Variants in MYO3A observed in about 807,000 individuals in gnomAD.
The protein encoded by MYO3A is myosin IIIA.
MYO3A carries 180 observed loss-of-function variants against 192.7 expected under a neutral mutation model. That is an observed-to-expected ratio of 0.93 (90% confidence interval 0.83 to 1.06). The LOEUF (loss-of-function observed/expected upper bound fraction) is 1.06. Ranked by LOEUF, MYO3A falls within the 50% of genes least tolerant of loss-of-function variation. The pLI is 0.00. For synonymous variants in MYO3A, 628 were observed against 645.3 expected, an observed-to-expected ratio of 0.97 and a Z score of 0.41; for missense variants, 1,896 against 1,905.0, an observed-to-expected ratio of 1.00 and a Z score of 0.09.
chr10:26,153,882 A>T lies in MYO3A; in HGVS notation c.2668A>T (p.Ile890Leu). The change falls in exon 24 of 35, where the codon ATA becomes TTA. Residue 890 changes from isoleucine to leucine, a missense_variant. Coordinates refer to ENST00000642920, the MANE Select transcript of MYO3A (RefSeq NM_017433.5). ...GCCACATTCTAAAACTAAAAATGTT[A>T]TAAACTATCAAATGAGGACTTCAGA... is the stretch of plus-strand genomic sequence containing the variant. Reference protein sequence around the residue: ...NLPHSKTKNVINYQMRTSEKL... With the variant: ...NLPHSKTKNVLNYQMRTSEKL... 1 of 1,594,164 alleles carries T rather than the reference A, an allele frequency of 6.3e-7. No homozygotes were observed. The highest frequency in any genetic ancestry group is 8.6e-7 in the Non-Finnish European group (1 of 1,162,132).
intron 31 of MYO3A, among the ~76,000 whole-genome samples, chr10:26,190,749 G>A (rs1843087216): frequency 6.6e-6 from 1 of 152,086 alleles, no homozygotes; most frequent in African/African-American, 2.4e-5. Context: ...AAGGACCTTT[G>A]GATTTGTTGG....
intron 11 of MYO3A, among the ~76,000 whole-genome samples, chr10:26,067,539 A>G (rs1588893064): frequency 6.6e-6 from 1 of 152,148 alleles, no homozygotes; most frequent in East Asian, 1.9e-4. Context: ...AAACTCTGGG[A>G]TACCTCAACA....
chr10:26,162,435 T>G (rs1841528824), intron 26 of MYO3A, among the ~76,000 whole-genome samples: 1 of 152,270 alleles, frequency 6.6e-6, no homozygotes, highest in African/African-American at 2.4e-5. Context: ...GTTTATTGGC[T>G]CTTTCTTGCA....
At chr10:26,125,696 C>G in intron 19 of MYO3A, 88 bp downstream of exon 19, 1 of 1,114,594 alleles carries the variant, frequency 9.0e-7, no homozygotes, top group Non-Finnish European at 1.3e-6. Flanking sequence ...AGATCTCTTT[C>G]AAGATGTTTC....
intron 2 of MYO3A, 76 bp downstream of exon 2, chr10:25,935,906 A>G (rs1836032776): frequency 6.6e-6 from 1 of 152,212 alleles, no homozygotes; most frequent in Admixed American, 6.5e-5. Context: ...AATTGGGTGC[A>G]TGTTATTCGT....
At position 26,125,360 on chromosome 10, in the gene MYO3A, C is replaced by T; in HGVS notation, c.1904-38C>T. 5 of 1,594,408 alleles carry T rather than the reference C, an allele frequency of 3.1e-6. No homozygotes were observed. In the South Asian group the frequency reaches 5.5e-5, roughly 18 times the overall value. ...CATTTTTGGGGAGTGACCTCATTGC[C>T]ATAATTTCTTCTAACAATGCATCTG... On this transcript the variant is annotated intron_variant, in intron 18 of 34. Transcript: ENST00000642920.
intron 26 of MYO3A, among the ~76,000 whole-genome samples, chr10:26,158,254 ATTT>A (rs71521668): frequency 7.1e-6 from 1 of 141,400 alleles, no homozygotes. Context: ...GTTTTATTTT[ATTT>A]TTTTTTTTTT....
chr10:26,204,262 T>G (rs1843804413), intron 34 of MYO3A: 1 of 152,236 alleles, frequency 6.6e-6, no homozygotes, highest in South Asian at 2.1e-4. Flanking sequence ...GATCACACAC[T>G]GAGTTAGTGA....
chr10:26,021,025 G>A (rs952097858), intron 7 of MYO3A, among the ~76,000 whole-genome samples: 40 of 152,094 alleles, frequency 2.6e-4, no homozygotes, highest in Non-Finnish European at 7.4e-5. Flanking sequence ...AGGTAGCCTT[G>A]CCTTCTAGTT....
chr10:25,983,667 G>C (rs1235116669), intron 4 of MYO3A, among the ~76,000 whole-genome samples: 2 of 152,158 alleles, frequency 1.3e-5, no homozygotes, highest in Non-Finnish European at 2.9e-5. Flanking sequence ...AAATCTAAAA[G>C]TTTGGAAAAC....
chr10:26,210,505 C>T (rs1461775743), intron 34 of MYO3A, among the ~76,000 whole-genome samples: 2 of 152,200 alleles, frequency 1.3e-5, no homozygotes, highest in South Asian at 2.1e-4. Context: ...CTCACCTCCT[C>T]CTCCACAGGC....
rs1005248355 is a variant in MYO3A at position 26,070,407 on chromosome 10, A to C, written c.1359+6A>C. ...AGCTGACAGTGCTTGGAAAGGTATA[A>C]TTTATTTTTTTCTCTGTCCCATCAG... On this transcript the variant is annotated splice_donor_region_variant and intron_variant, in intron 14 of 34. Transcript: ENST00000642920. 6.2e-7 allele frequency: 1 copy of C among 1,609,810 alleles called. No individual in the cohort carries two copies. The highest frequency in any genetic ancestry group is 8.5e-7 in the Non-Finnish European group (1 of 1,177,406).
chr10:26,208,846 A>G (rs2132242242), intron 34 of MYO3A, among the ~76,000 whole-genome samples: 1 of 152,282 alleles, frequency 6.6e-6, no homozygotes, highest in South Asian at 2.1e-4. Flanking sequence ...ATTTTCATTC[A>G]TTTGCATATA....
At chr10:26,192,837 G>A (rs1363653161) in intron 31 of MYO3A, among the ~76,000 whole-genome samples, 1 of 151,906 alleles carries the variant, frequency 6.6e-6, no homozygotes, top group East Asian at 1.9e-4. Flanking sequence ...TGTATTTTTA[G>A]TAGAGACAGG....
chr10:26,057,222 A>T (rs1834166237), intron 10 of MYO3A, among the ~76,000 whole-genome samples: 1 of 152,238 alleles, frequency 6.6e-6, no homozygotes, highest in Non-Finnish European at 1.5e-5. Context: ...AGATTGTTAA[A>T]ATTTGAGAAA....
At chr10:25,977,447 T>C (rs746358640) in intron 4 of MYO3A, among the ~76,000 whole-genome samples, 1 of 152,184 alleles carries the variant, frequency 6.6e-6, no homozygotes, top group East Asian at 1.9e-4. Flanking sequence ...GTCAGGTTCA[T>C]GTGAGCCTCA....
At chr10:26,100,065 A>C (rs1837336740) in intron 17 of MYO3A, among the ~76,000 whole-genome samples, 1 of 152,250 alleles carries the variant, frequency 6.6e-6, no homozygotes, top group Non-Finnish European at 1.5e-5. Context: ...TTCGTAGGCT[A>C]TTAATTATTG....
At chr10:25,965,155 G>A (rs1233941653) in intron 4 of MYO3A, among the ~76,000 whole-genome samples, 3 of 152,106 alleles carry the variant, frequency 2.0e-5, no homozygotes, top group Non-Finnish European at 4.4e-5. Flanking sequence ...TCTAGGTTTA[G>A]GAAATTCTCT....
intron 10 of MYO3A, among the ~76,000 whole-genome samples, chr10:26,062,258 A>G (rs528707015): frequency 1.1e-4 from 17 of 151,984 alleles, no homozygotes; most frequent in African/African-American, 3.1e-4. Context: ...TTATGGAGGA[A>G]TCTTGTAATC....
Sources: allele counts gnomAD v4.1 joint callset (sites outside exome capture counted in the v4.1 genomes callset), GRCh38; gene constraint gnomAD v4.1.1; transcripts MANE v1.5; gene names NCBI Gene and HGNC (gene_info 2026-07-23, HGNC 2026-07-21).